The following TEX15 variants were observed in gnomAD, a reference collection of about 807,000 sequenced individuals.
TEX15 encodes the protein testis expressed 15, meiosis and synapsis associated.
TEX15 carries 171 observed loss-of-function variants against 237.3 expected under a neutral mutation model. The observed-to-expected ratio is 0.72, with a 90% CI of 0.64 to 0.82. The LOEUF is 0.82. Among genes scored for constraint, TEX15 ranks in the 40% least tolerant of loss-of-function variants. TEX15 has a pLI of 0.00. For missense variants in TEX15, 3,750 were observed against 3,646.5 expected (o/e 1.03, Z -0.73); for synonymous variants, 1,338 against 1,269.8 (o/e 1.05, Z -1.14).
intron 2 of TEX15, among the ~76,000 whole-genome samples, chr8:30,898,416 C>G (rs960032990): frequency 6.6e-6 from 1 of 152,160 alleles, no homozygotes; most frequent in African/African-American, 2.4e-5. Flanking sequence ...TGAGAAAGCA[C>G]CCATCATCCC....
chr8:30,854,259 CAAAA>C (rs1159366706), intron 7 of TEX15, among the ~76,000 whole-genome samples: 3,116 of 64,970 alleles, frequency 0.048, 112 homozygotes, highest in African/African-American at 0.15. Flanking sequence ...CCTGACTGAC[CAAAA>C]AAAAAAAAAA....
chr8:30,872,049 A>C (rs1027649701), intron 4 of TEX15, among the ~76,000 whole-genome samples: 1 of 152,162 alleles, frequency 6.6e-6, no homozygotes, highest in Non-Finnish European at 1.5e-5. Flanking sequence ...TAACTATAGC[A>C]GGAGATCTTG....
At chr8:30,833,379 G>T (rs1363958494) in intron 10 of TEX15, 56 bp from the exon 11 acceptor site, 5 of 1,312,818 alleles carry the variant, frequency 3.8e-6, no homozygotes, top group African/African-American at 1.5e-5. Context: ...AATGGTACAT[G>T]ATACTATAGT....
intron 1 of TEX15, among the ~76,000 whole-genome samples, chr8:30,903,276 A>G (rs1202985232): frequency 6.6e-6 from 1 of 152,250 alleles, no homozygotes; most frequent in East Asian, 1.9e-4. Context: ...AAAATAATTT[A>G]CATGTTTAAA....
At chr8:30,892,272 T>A (rs28532540) in intron 2 of TEX15, among the ~76,000 whole-genome samples, 1 of 152,234 alleles carries the variant, frequency 6.6e-6, no homozygotes, top group Admixed American at 6.5e-5. Flanking sequence ...TTATCTGTAA[T>A]GCCATCTCTG....
chr8:30,836,645 C>A (rs1245780842), intron 10 of TEX15, among the ~76,000 whole-genome samples, 158 bp downstream of exon 10: 1 of 152,032 alleles, frequency 6.6e-6, no homozygotes, highest in Non-Finnish European at 1.5e-5. Flanking sequence ...AGATTTCCAC[C>A]CTCTCTGCCC....
At position 30,844,455 on chromosome 8, in the gene TEX15, A is replaced by G; in HGVS notation, c.5712T>C (p.Thr1904=). 6.2e-7 allele frequency: 1 copy of G among 1,613,212 alleles called. No individual in the cohort carries two copies. The highest frequency in any genetic ancestry group is 8.5e-7 in the Non-Finnish European group (1 of 1,179,560). Residue 1904 remains threonine, a synonymous_variant, in exon 8 of 11, where the codon ACT becomes ACC. Transcript: ENST00000643185. ...LIDSHLSTKN[T]TTESVPLKNT... is the part of the protein sequence containing the mutation. ...TCTTCAAAGGGACTGACTCAGTGGT[A>G]GTATTTTTAGTGCTCAGATGGGAAT...
chr8:30,911,904 C>A (rs73670560), intron 1 of TEX15, among the ~76,000 whole-genome samples: 17,633 of 152,146 alleles, frequency 0.12, 1,677 homozygotes, highest in African/African-American at 0.26. Context: ...GGAGTCTCTT[C>A]CTGCACCCGC....
chr8:30,831,939 G>A lies in TEX15; in HGVS notation c.*1347C>T, dbSNP rs920915149. ...GACTATTTTCAAATAAAACTGCATG[G>A]ACCAAATAGAAATGTTTTTTAAATA... On this transcript the variant is annotated 3_prime_UTR_variant, in exon 11 of 11. Transcript: ENST00000643185. 2.0e-5 allele frequency: 3 copies of A among 152,160 alleles called. No homozygotes were observed. The highest frequency in any genetic ancestry group is 7.2e-5 in the African/African-American group (3 of 41,448). 9.4% of individuals were successfully genotyped at this position (152,160 alleles called of 1,614,324 possible).
At chr8:30,897,369 G>A (rs1808927077) in intron 2 of TEX15, among the ~76,000 whole-genome samples, 1 of 152,148 alleles carries the variant, frequency 6.6e-6, no homozygotes, top group East Asian at 1.9e-4. Context: ...CTGTATGCAA[G>A]CCGATGCCTT....
At chr8:30,838,849 T>A in intron 9 of TEX15, among the ~76,000 whole-genome samples, 1 of 142,758 alleles carries the variant, frequency 7.0e-6, no homozygotes, top group African/African-American at 2.6e-5. Flanking sequence ...AGAGTCTCAC[T>A]CTGTTGCCCA....
In TEX15 at chr8:30,833,279, A is replaced by C; in HGVS notation, c.*7T>G. ...TATGTCTTATTTCAATAGACAGAAGACTATTTTCAGTGTCCTGGATGAAAG... is the reference window on the plus strand; with the variant it reads ...TATGTCTTATTTCAATAGACAGAAGCCTATTTTCAGTGTCCTGGATGAAAG... On this transcript the variant is annotated 3_prime_UTR_variant, in exon 11 of 11. Coordinates refer to ENST00000643185, the MANE Select transcript of TEX15 (RefSeq NM_001350162.2). The C allele has an allele frequency of 1.3e-6, 2 of 1,580,296 alleles. No homozygotes were observed. Among genetic ancestry groups the C allele is most frequent in the Admixed American group, 1.8e-5 (1 of 54,142 alleles).
At chr8:30,880,353 T>C (rs1178024862) in intron 3 of TEX15, among the ~76,000 whole-genome samples, 1 of 152,210 alleles carries the variant, frequency 6.6e-6, no homozygotes, top group Non-Finnish European at 1.5e-5. Flanking sequence ...TTAAATGGTA[T>C]TTTAAAAATT....
rs1232688296 is a variant in TEX15, at chr8:30,837,121, T to C, written c.9163A>G (p.Asn3055Asp). The C allele has an allele frequency of 6.2e-7, 1 of 1,614,108 alleles. No individual in the cohort carries two copies. Among genetic ancestry groups the C allele is most frequent in the South Asian group, 1.1e-5 (1 of 91,076 alleles). The change falls in exon 10 of 11, where the codon AAT becomes GAT. Residue 3055 changes from asparagine to aspartate, a missense_variant. Asn to Asp is a conservative substitution (Grantham distance 23). Transcript: ENST00000643185. ...CVYQYSNSNG[N>D]AITQTYQGIT... ...CCTTGGTATGTCTGGGTAATGGCATTGCCATTGCTGTTGCTGTACTGATAA... is the reference window on the plus strand; with the variant it reads ...CCTTGGTATGTCTGGGTAATGGCATCGCCATTGCTGTTGCTGTACTGATAA...
At chr8:30,849,350 A>G in intron 7 of TEX15, 34 bp from the exon 8 acceptor site, 1 of 1,362,634 alleles carries the variant, frequency 7.3e-7, no homozygotes, top group African/African-American at 1.5e-5. Context: ...AATTTGAAAA[A>G]AAGTGTTTCT....
rs1474063620 is a variant in TEX15 at position 30,832,156 on chromosome 8, A to T, written c.*1130T>A. 2 of 152,248 alleles carry T rather than the reference A, an allele frequency of 1.3e-5. No individual in the cohort carries two copies. Among genetic ancestry groups the T allele is most frequent in the East Asian group, 3.8e-4 (2 of 5,202 alleles). The allele number at this position is 152,248 out of a possible 1,614,324, so 9.4% of individuals were successfully genotyped here. On this transcript the variant is annotated 3_prime_UTR_variant, in exon 11 of 11. Coordinates refer to ENST00000643185, the MANE Select transcript of TEX15 (RefSeq NM_001350162.2). ...CACTGTCTTTCTAAATTGAAAAATT[A>T]GTTACTCTACATTAAACAAAGTAGA...
In TEX15 at chr8:30,854,278, G is replaced by T. The variant is rs1807855724; in HGVS notation, c.850+4390C>A. 2.1e-5 allele frequency among the ~76,000 whole-genome samples: 3 copies of T among 142,932 alleles called. No individual in the cohort carries two copies. In the East Asian group the frequency reaches 6.1e-4, roughly 29 times the overall value. The allele number at this position is 142,932 out of a possible 152,430, so 93.8% of individuals were successfully genotyped here. ...ACTGACCAAAAAAAAAAAAAAAAAG[G>T]AGAAGACTCAAACTAGTAGACTCAG... On this transcript the variant is annotated intron_variant, in intron 7 of 10. Coordinates refer to ENST00000643185, the MANE Select transcript of TEX15 (RefSeq NM_001350162.2).
chr8:30,905,264 C>CAAA (rs34972353), intron 1 of TEX15, among the ~76,000 whole-genome samples: 4 of 104,150 alleles, frequency 3.8e-5, no homozygotes, highest in Non-Finnish European at 8.6e-5. Context: ...AAAAAGACTT[C>CAAA]AAAAAAAAAA....
intron 4 of TEX15, among the ~76,000 whole-genome samples, chr8:30,869,568 A>G (rs761132495): frequency 6.1e-4 from 93 of 151,996 alleles, no homozygotes; most frequent in African/African-American, 1.8e-3. Context: ...GAGGAAGCAT[A>G]AAGAGACAAC....
Sources: gnomAD v4.1 joint callset for allele counts (sites outside exome capture counted in the v4.1 genomes callset) on GRCh38, gnomAD v4.1.1 for gene constraint, MANE v1.5 for transcripts, NCBI Gene and HGNC (gene_info 2026-07-23, HGNC 2026-07-21) for gene names.